ACSL3: variants seen among roughly 807,000 people sequenced by gnomAD.
ACSL3 encodes acyl-CoA synthetase long chain family member 3, also known as fatty acid CoA ligase Acsl3.
ACSL3 carries 34 observed loss-of-function variants against 84.7 expected under a neutral mutation model. The observed-to-expected ratio is 0.40, with a 90% CI of 0.31 to 0.53. ACSL3 has a LOEUF of 0.53. Ranked by LOEUF, ACSL3 falls within the 20% of genes least tolerant of loss-of-function variation. The pLI is 0.48. For synonymous variants in ACSL3, 315 were observed against 299.4 expected (o/e 1.05, Z -0.54); for missense variants, 680 against 873.1 (o/e 0.78, Z 2.79).
intron 4 of ACSL3, 52 bp downstream of exon 4, chr2:222,909,202 A>C (rs1294272995): frequency 6.5e-7 from 1 of 1,541,762 alleles, no homozygotes. Context: ...ATATCCTGTT[A>C]GAAATGAAGT....
At chr2:222,910,607 A>G (rs761674989) in intron 4 of ACSL3, among the ~76,000 whole-genome samples, 129 of 152,322 alleles carry the variant, frequency 8.5e-4, no homozygotes, top group African/African-American at 2.6e-3. Flanking sequence ...ATTTTCCTCA[A>G]AACATGAAGG....
chr2:222,861,986 T>A (rs1269702318), intron 1 of ACSL3, among the ~76,000 whole-genome samples: 1 of 152,230 alleles, frequency 6.6e-6, no homozygotes, highest in East Asian at 1.9e-4. Context: ...TTCAAATGGT[T>A]TTCGCAGGAA....
chr2:222,924,224 A>T (rs1292723960), intron 10 of ACSL3, among the ~76,000 whole-genome samples: 3 of 152,200 alleles, frequency 2.0e-5, no homozygotes, highest in African/African-American at 7.2e-5. Context: ...TTTTTGTGGA[A>T]ACTTTATTTT....
chr2:222,921,115 A>C, intron 7 of ACSL3, 165 bp from the exon 8 acceptor site: 1 of 774,566 alleles, frequency 1.3e-6, no homozygotes, highest in Non-Finnish European at 2.3e-6. Context: ...CCATACGTGC[A>C]GGGACTTGAT....
chr2:222,917,712 A>C, intron 5 of ACSL3: 1 of 167,294 alleles, frequency 6.0e-6, no homozygotes, highest in Non-Finnish European at 1.3e-5. Flanking sequence ...TGTAAAGCCA[A>C]GTGGCCAACA....
chr2:222,928,604 A>C (rs891692777), intron 12 of ACSL3, among the ~76,000 whole-genome samples: 5 of 151,598 alleles, frequency 3.3e-5, no homozygotes, highest in African/African-American at 1.2e-4. Flanking sequence ...GCGATTCCAC[A>C]CTTACATCTA....
chr2:222,921,540 T>C, intron 8 of ACSL3, 110 bp downstream of exon 8: 1 of 1,072,942 alleles, frequency 9.3e-7, no homozygotes, highest in Non-Finnish European at 1.3e-6. Flanking sequence ...CAGAGTCTGT[T>C]TGTAGTAGGC....
At position 222,922,914 on chromosome 2, in the gene ACSL3, T is replaced by C. The variant is rs948311747; in HGVS notation, c.1080+83T>C. On this transcript the variant is annotated intron_variant, in intron 9 of 16. Coordinates refer to ENST00000357430, the MANE Select transcript of ACSL3 (RefSeq NM_004457.5). ...TTTTTTCAGTCAGTATGACAGTATA[T>C]TGCGAGAGCGATGGTTCATTTTAAA... 8 of 1,554,032 alleles carry C rather than the reference T, an allele frequency of 5.1e-6. No individual in the cohort carries two copies. The African/African-American group carries it at 1.1e-4, about 21-fold the overall frequency.
chr2:222,919,607 C>T (rs1272117534), intron 7 of ACSL3, among the ~76,000 whole-genome samples: 1 of 152,142 alleles, frequency 6.6e-6, no homozygotes, highest in Non-Finnish European at 1.5e-5. Flanking sequence ...TCTTCCCTTT[C>T]CTGAGGTGAA....
chr2:222,930,574 A>G, intron 13 of ACSL3, 47 bp from the exon 14 acceptor site: 3 of 1,419,970 alleles, frequency 2.1e-6, no homozygotes, highest in South Asian at 1.5e-5. Flanking sequence ...TCAAATTTTC[A>G]TGTGTTGTAT....
chr2:222,871,956 C>G (rs560115077), intron 1 of ACSL3, among the ~76,000 whole-genome samples: 33 of 151,912 alleles, frequency 2.2e-4, no homozygotes, highest in African/African-American at 8.0e-4. Flanking sequence ...TGGCATTCCC[C>G]CCCACCCCCG....
intron 11 of ACSL3, among the ~76,000 whole-genome samples, chr2:222,925,422 C>T (rs149007704): frequency 3.1e-4 from 47 of 150,686 alleles, no homozygotes; most frequent in Non-Finnish European, 4.7e-4. Flanking sequence ...GCCTGGGCAA[C>T]ATAGCAAGAT....
At chr2:222,925,975 A>G (rs1488398046) in intron 11 of ACSL3, among the ~76,000 whole-genome samples, 2 of 152,212 alleles carry the variant, frequency 1.3e-5, no homozygotes, top group Non-Finnish European at 2.9e-5. Context: ...GATGCTTCAC[A>G]TAATTTAGAA....
intron 1 of ACSL3, among the ~76,000 whole-genome samples, chr2:222,881,533 T>A (rs915002709): frequency 3.3e-5 from 5 of 152,206 alleles, no homozygotes; most frequent in Non-Finnish European, 1.5e-5. Context: ...GCCCCACCCC[T>A]GAGATGGAGT....
At chr2:222,913,433 C>T (rs940518722) in intron 4 of ACSL3, among the ~76,000 whole-genome samples, 1 of 152,116 alleles carries the variant, frequency 6.6e-6, no homozygotes, top group Non-Finnish European at 1.5e-5. Flanking sequence ...TTATATTACT[C>T]TTCTCTTAGT....
At chr2:222,934,059 TC>T (rs1399342500) in intron 15 of ACSL3, among the ~76,000 whole-genome samples, 6 of 152,168 alleles carry the variant, frequency 3.9e-5, no homozygotes, top group Non-Finnish European at 8.8e-5. Flanking sequence ...TAGTCAGAGT[TC>T]CTCTATCAAT....
chr2:222,871,859 G>A (rs987359061), intron 1 of ACSL3, among the ~76,000 whole-genome samples: 22 of 152,142 alleles, frequency 1.4e-4, no homozygotes, highest in African/African-American at 5.1e-4. Context: ...TCTAATGATA[G>A]GAGTCTTGTT....
At chr2:222,939,074 G>C (rs1271991648) in intron 16 of ACSL3, among the ~76,000 whole-genome samples, 1 of 151,828 alleles carries the variant, frequency 6.6e-6, no homozygotes, top group African/African-American at 2.4e-5. Flanking sequence ...TCTTATGACG[G>C]TTATTTTGAA....
At chr2:222,934,734 G>GT in intron 16 of ACSL3, 47 bp downstream of exon 16, 1 of 1,571,128 alleles carries the variant, frequency 6.4e-7, no homozygotes. Flanking sequence ...TGGGAAGAGA[G>GT]TACTTACATG....
Sources: gnomAD v4.1 joint callset for allele counts (sites outside exome capture counted in the v4.1 genomes callset) on GRCh38, gnomAD v4.1.1 for gene constraint, MANE v1.5 for transcripts, NCBI Gene and HGNC (gene_info 2026-07-23, HGNC 2026-07-21) for gene names.